The following CSMD1 variants were observed in gnomAD, a reference collection of about 807,000 sequenced individuals.
CSMD1 encodes the protein CUB and Sushi multiple domains 1.
A neutral mutation model predicts 417.5 loss-of-function variants in CSMD1; 213 were observed. The observed-to-expected ratio is 0.51, with a 90% confidence interval of 0.46 to 0.57. The LOEUF (loss-of-function observed/expected upper bound fraction) is 0.57. CSMD1 is among the 20% of genes least tolerant of loss of function. The pLI is 0.00. For synonymous variants in CSMD1, 2,862 were observed against 1,736.8 expected (o/e 1.65, Z -16.11); for missense variants, 6,923 against 4,529.7 (o/e 1.53, Z -15.17).
At chr8:3,275,543 G>A (rs912495480) in intron 26 of CSMD1, among the ~76,000 whole-genome samples, 1 of 152,082 alleles carries the variant, frequency 6.6e-6, no homozygotes, top group Non-Finnish European at 1.5e-5. Flanking sequence ...TGGTTCCATT[G>A]TCCCTGTCTC....
intron 1 of CSMD1, among the ~76,000 whole-genome samples, chr8:4,950,215 G>C (rs144633822): frequency 4.5e-4 from 69 of 152,164 alleles, no homozygotes; most frequent in African/African-American, 1.6e-3. Context: ...AAAAGTATTT[G>C]ATGCTTATCT....
chr8:3,809,614 T>C (rs555127836), intron 5 of CSMD1, among the ~76,000 whole-genome samples: 2 of 152,280 alleles, frequency 1.3e-5, no homozygotes, highest in South Asian at 2.1e-4. Flanking sequence ...AGTGTCTAAT[T>C]CAGTCTGTCT....
chr8:4,818,141 C>T (rs189546745), intron 1 of CSMD1, among the ~76,000 whole-genome samples: 107 of 152,192 alleles, frequency 7.0e-4, no homozygotes, highest in Non-Finnish European at 1.1e-3. Context: ...CGTAAAATTG[C>T]ATAATTTATG....
intron 5 of CSMD1, among the ~76,000 whole-genome samples, chr8:3,981,257 A>G (rs1265863035): frequency 2.0e-5 from 3 of 152,144 alleles, no homozygotes; most frequent in East Asian, 1.9e-4. Flanking sequence ...AAAACCAAAC[A>G]TCGTATGTAC....
chr8:4,138,366 T>C (rs1803566792), intron 3 of CSMD1, among the ~76,000 whole-genome samples: 2 of 152,110 alleles, frequency 1.3e-5, no homozygotes, highest in Admixed American at 6.5e-5. Context: ...GGAGTCAGTG[T>C]TCTGATACCT....
At chr8:3,188,023 T>G (rs1796166050) in intron 35 of CSMD1, 58 bp from the exon 36 acceptor site, 2 of 1,362,850 alleles carry the variant, frequency 1.5e-6, no homozygotes, top group Admixed American at 3.8e-5. Context: ...ATTAGTCTAA[T>G]TAGATGGGGT....
At chr8:3,267,589 C>G (rs1286962649) in intron 26 of CSMD1, among the ~76,000 whole-genome samples, 1 of 152,120 alleles carries the variant, frequency 6.6e-6, no homozygotes, top group African/African-American at 2.4e-5. Context: ...TGGTAAGAGA[C>G]TTTGAGGATG....
chr8:4,220,477 T>A (rs1333792686), intron 3 of CSMD1, among the ~76,000 whole-genome samples: 1 of 152,224 alleles, frequency 6.6e-6, no homozygotes, highest in African/African-American at 2.4e-5. Flanking sequence ...TGCATTAATT[T>A]TAAAACATCA....
chr8:4,325,054 G>C (rs987007381), intron 3 of CSMD1, among the ~76,000 whole-genome samples: 11 of 152,274 alleles, frequency 7.2e-5, no homozygotes, highest in Admixed American at 7.2e-4. Context: ...ATGGCTTGTA[G>C]TTACGCATCC....
intron 26 of CSMD1, among the ~76,000 whole-genome samples, chr8:3,262,196 T>TAG (rs1801124427): frequency 1.3e-5 from 1 of 74,564 alleles, no homozygotes; most frequent in African/African-American, 5.0e-5. Flanking sequence ...TATATATATA[T>TAG]ATATATATAT....
intron 10 of CSMD1, among the ~76,000 whole-genome samples, chr8:3,509,234 C>A (rs867974257): frequency 3.9e-5 from 6 of 152,110 alleles, no homozygotes; most frequent in Non-Finnish European, 4.4e-5. Flanking sequence ...ATCTGGACCC[C>A]TTTACAAACA....
At position 4,016,736 on chromosome 8, in the gene CSMD1, C is replaced by G. The variant is rs898280716; in HGVS notation, c.610+15169G>C. 3.3e-5 allele frequency among the ~76,000 whole-genome samples: 5 copies of G among 152,306 alleles called. No homozygotes were observed. In the East Asian group the frequency reaches 7.7e-4, roughly 24 times the overall value. On this transcript the variant is annotated intron_variant, in intron 4 of 69. Coordinates refer to ENST00000635120, the MANE Select transcript of CSMD1 (RefSeq NM_033225.6). ...TGTTAGGAAGACCCTATAGCCAAAC[C>G]ACCCTCTTGGGTTAAGGGCTCTGTT...
chr8:4,312,406 T>TACGTATATACGTACGCATATATATATAC (rs1798669049), intron 3 of CSMD1, among the ~76,000 whole-genome samples: 2 of 129,348 alleles, frequency 1.5e-5, no homozygotes, highest in African/African-American at 7.1e-5. Flanking sequence ...TACATATATA[T>TACGTATATACGTACGCATATATATATAC]GCGTGTATAT....
rs141561846 is a variant in CSMD1, at chr8:3,678,648, C to T, written c.1009+29766G>A. 3.9e-5 allele frequency among the ~76,000 whole-genome samples: 6 copies of T among 152,252 alleles called. No homozygotes were observed. The East Asian group carries it at 1.2e-3, about 29-fold the overall frequency. On this transcript the variant is annotated intron_variant, in intron 7 of 69. Transcript: ENST00000635120. ...ATCAAGGAAAACTTCCCCAACCTAG[C>T]AAGGCAGGCCAACATGCAAATTCAG...
chr8:4,241,707 TC>T (rs1471462854), intron 3 of CSMD1, among the ~76,000 whole-genome samples: 7 of 97,064 alleles, frequency 7.2e-5, no homozygotes, highest in Admixed American at 7.0e-4. Context: ...ATTTTTTTTT[TC>T]TTTTTTTTTT....
intron 1 of CSMD1, among the ~76,000 whole-genome samples, chr8:4,694,749 T>C (rs1046942514): frequency 1.3e-5 from 2 of 152,146 alleles, no homozygotes; most frequent in African/African-American, 4.8e-5. Flanking sequence ...CTTGGGCACA[T>C]GTCATCAGGA....
At chr8:3,733,265 C>CATAT (rs1217210972) in intron 6 of CSMD1, among the ~76,000 whole-genome samples, 3 of 136,728 alleles carry the variant, frequency 2.2e-5, no homozygotes, top group African/African-American at 7.8e-5. Flanking sequence ...TATACACATA[C>CATAT]ACATATTTAT....
chr8:4,298,183 C>A (rs898176086), intron 3 of CSMD1, among the ~76,000 whole-genome samples: 3 of 152,030 alleles, frequency 2.0e-5, no homozygotes, highest in African/African-American at 4.8e-5. Context: ...TTTGAGGAAT[C>A]TGCCTTAGTT....
chr8:4,922,000 A>AT (rs1034117561), intron 1 of CSMD1, among the ~76,000 whole-genome samples: 1 of 152,080 alleles, frequency 6.6e-6, no homozygotes, highest in African/African-American at 2.4e-5. Flanking sequence ...CAATCCTGCA[A>AT]TTTCCTTCCT....
Sources: gnomAD v4.1 joint callset for allele counts (sites outside exome capture counted in the v4.1 genomes callset) on GRCh38, gnomAD v4.1.1 for gene constraint, MANE v1.5 for transcripts, NCBI Gene and HGNC (gene_info 2026-07-23, HGNC 2026-07-21) for gene names.